The following PTPN13 variants were observed in gnomAD, a reference collection of about 807,000 sequenced individuals.
The protein encoded by PTPN13 is tyrosine-protein phosphatase non-receptor type 13.
A neutral mutation model predicts 284.0 loss-of-function variants in PTPN13; 191 were observed. That is an observed-to-expected ratio of 0.67 (90% confidence interval 0.60 to 0.76). The LOEUF is 0.76. PTPN13 is among the 30% of genes least tolerant of loss of function. PTPN13 has a pLI of 0.00. For missense variants in PTPN13, 2,797 were observed against 2,939.9 expected, an observed-to-expected ratio of 0.95 and a Z score of 1.12; for synonymous variants, 986 against 1,022.3, an observed-to-expected ratio of 0.96 and a Z score of 0.68.
chr4:86,604,933 T>C (rs1764618433), intron 1 of PTPN13, among the ~76,000 whole-genome samples: 2 of 151,946 alleles, frequency 1.3e-5, no homozygotes, highest in Admixed American at 6.6e-5. Context: ...TTAACTGCAA[T>C]GAAAGCTTTA....
chr4:86,678,631 T>TA (rs1404302739), intron 3 of PTPN13, among the ~76,000 whole-genome samples: 3 of 152,234 alleles, frequency 2.0e-5, no homozygotes, highest in African/African-American at 2.4e-5. Flanking sequence ...TTTCTTCTTA[T>TA]ACCCTGAAAC....
intron 3 of PTPN13, among the ~76,000 whole-genome samples, chr4:86,684,731 C>G (rs1481254071): frequency 6.6e-6 from 1 of 151,820 alleles, no homozygotes; most frequent in African/African-American, 2.4e-5. Context: ...AAAATAGGAG[C>G]CGAGTAAATA....
intron 27 of PTPN13, 42 bp from the exon 28 acceptor site, chr4:86,767,775 A>T: frequency 7.1e-7 from 1 of 1,408,174 alleles, no homozygotes; most frequent in South Asian, 1.4e-5. Context: ...CTATTTTCTT[A>T]GCATTCTTCT....
chr4:86,703,580 T>C (rs991473446), intron 7 of PTPN13, among the ~76,000 whole-genome samples: 2 of 152,104 alleles, frequency 1.3e-5, no homozygotes, highest in African/African-American at 4.8e-5. Context: ...AAAAATGAAA[T>C]TATAGGCCAG....
intron 6 of PTPN13, among the ~76,000 whole-genome samples, chr4:86,699,363 G>C (rs912681337): frequency 6.6e-6 from 1 of 151,928 alleles, no homozygotes; most frequent in Non-Finnish European, 1.5e-5. Flanking sequence ...TCGAGCCTGG[G>C]AGACGGAGCG....
chr4:86,637,383 G>A (rs1240886906), intron 2 of PTPN13, among the ~76,000 whole-genome samples: 1 of 151,394 alleles, frequency 6.6e-6, no homozygotes, highest in African/African-American at 2.4e-5. Context: ...CCAAAAAAGA[G>A]AATTTTAGAC....
chr4:86,626,491 A>G (rs1443214505), intron 1 of PTPN13, among the ~76,000 whole-genome samples: 1 of 152,064 alleles, frequency 6.6e-6, no homozygotes, highest in Non-Finnish European at 1.5e-5. Context: ...TTGTAACTAT[A>G]TTAGGCAATA....
At chr4:86,696,393 C>G (rs1212123814) in intron 6 of PTPN13, among the ~76,000 whole-genome samples, 1 of 151,832 alleles carries the variant, frequency 6.6e-6, no homozygotes, top group Non-Finnish European at 1.5e-5. Flanking sequence ...ATATGTGAGA[C>G]TATGGTTTAT....
Position 86,671,653 on chromosome 4 carries a change from C to T in PTPN13, c.116-712C>T, listed in dbSNP as rs1727733322. ...GCATTAAAACAAAAAGTTAAGGGAC[C>T]TCATTGATCACATTTGGTAGTACAA... On this transcript the variant is annotated intron_variant, in intron 2 of 47. Transcript: ENST00000411767. 2.6e-5 allele frequency among the ~76,000 whole-genome samples: 4 copies of T among 152,068 alleles called. No homozygotes were observed. In the South Asian group the frequency reaches 6.2e-4, roughly 24 times the overall value.
intron 2 of PTPN13, among the ~76,000 whole-genome samples, chr4:86,669,940 T>G (rs866930455): frequency 6.6e-6 from 1 of 152,176 alleles, no homozygotes; most frequent in East Asian, 1.9e-4. Flanking sequence ...ACTTAGGTAC[T>G]GGAGAACTGG....
intron 35 of PTPN13, among the ~76,000 whole-genome samples, chr4:86,776,518 A>C (rs1740666191): frequency 6.6e-6 from 1 of 152,198 alleles, no homozygotes; most frequent in African/African-American, 2.4e-5. Flanking sequence ...ATTAAGGTCA[A>C]TCTCTAAGTT....
At chr4:86,610,060 A>G (rs1765129335) in intron 1 of PTPN13, among the ~76,000 whole-genome samples, 1 of 152,116 alleles carries the variant, frequency 6.6e-6, no homozygotes, top group Admixed American at 6.5e-5. Flanking sequence ...CTAAAAATAC[A>G]AAAATTGGCC....
At chr4:86,686,924 C>T (rs1323447676) in intron 4 of PTPN13, 149 bp downstream of exon 4, 1 of 631,208 alleles carries the variant, frequency 1.6e-6, no homozygotes, top group Non-Finnish European at 2.8e-6. Flanking sequence ...TTAATAATGT[C>T]ATACTTTCAG....
At chr4:86,677,651 A>G (rs941679266) in intron 3 of PTPN13, among the ~76,000 whole-genome samples, 4 of 150,224 alleles carry the variant, frequency 2.7e-5, no homozygotes, top group Non-Finnish European at 4.4e-5. Context: ...TTTTTTTTTA[A>G]CCACAATGAA....
chr4:86,645,266 AT>A (rs1724286856), intron 2 of PTPN13, among the ~76,000 whole-genome samples: 1 of 152,178 alleles, frequency 6.6e-6, no homozygotes, highest in Non-Finnish European at 1.5e-5. Context: ...AATAACGGGT[AT>A]CTACACATCA....
At position 86,722,378 on chromosome 4, in the gene PTPN13, A is replaced by G. The variant is rs371479776; in HGVS notation, c.1552A>G (p.Arg518Gly). 1.6e-4 allele frequency: 257 copies of G among 1,613,856 alleles called. 2 individuals carry two copies. In the South Asian group the frequency reaches 2.2e-3, roughly 14 times the overall value. The change falls in exon 10 of 48, where the codon AGG (arginine) becomes GGG (glycine). Residue 518 changes from arginine (R) to glycine (G), a missense_variant. Physicochemically the swap from Arg to Gly is moderately radical, Grantham distance 125. Coordinates refer to ENST00000411767, the MANE Select transcript of PTPN13 (RefSeq NM_080683.3). ...CAAAGCGTCCATGCTTGACATCACC[A>G]GGGATCCGTTAAGAGAAATTGCCCT... Reference protein sequence around the residue: ...TIKASMLDITRDPLREIALET... With the variant: ...TIKASMLDITGDPLREIALET...
intron 39 of PTPN13, 133 bp downstream of exon 39, chr4:86,785,501 A>T: frequency 1.2e-6 from 1 of 860,136 alleles, no homozygotes; most frequent in Non-Finnish European, 1.7e-6. Flanking sequence ...TCAGAAACAA[A>T]ACAGAATTTG....
chr4:86,616,361 A>G (rs1720540062), intron 1 of PTPN13, among the ~76,000 whole-genome samples: 1 of 152,132 alleles, frequency 6.6e-6, no homozygotes, highest in Non-Finnish European at 1.5e-5. Context: ...TAGAGATGTT[A>G]CCTCATAGAG....
intron 32 of PTPN13, among the ~76,000 whole-genome samples, chr4:86,773,290 T>C (rs1221392291): frequency 1.3e-5 from 2 of 152,208 alleles, no homozygotes; most frequent in African/African-American, 2.4e-5. Context: ...TGAAATAACA[T>C]ATGTAAAGCA....
Sources: allele counts gnomAD v4.1 joint callset (sites outside exome capture counted in the v4.1 genomes callset), GRCh38; gene constraint gnomAD v4.1.1; transcripts MANE v1.5; gene names NCBI Gene and HGNC (gene_info 2026-07-23, HGNC 2026-07-21).